The following TNKS variants were observed in gnomAD, a reference collection of about 807,000 sequenced individuals.
TNKS encodes tankyrase, also known as poly [ADP-ribose] polymerase tankyrase-1.
In TNKS, 72 loss-of-function variants were observed where a neutral mutation model predicts 135.8. That is an observed-to-expected ratio of 0.53 (90% CI 0.44 to 0.64). The LOEUF is 0.64. Among genes scored for constraint, TNKS ranks in the 30% least tolerant of loss-of-function variants. TNKS has a pLI of 0.00. For missense variants in TNKS, 1,769 were observed against 1,674.0 expected, an observed-to-expected ratio of 1.06 and a Z score of -0.99; for synonymous variants, 849 against 649.3, an observed-to-expected ratio of 1.31 and a Z score of -4.68.
intron 1 of TNKS, among the ~76,000 whole-genome samples, chr8:9,563,374 G>C (rs1797410032): frequency 1.3e-5 from 2 of 152,086 alleles, no homozygotes; most frequent in South Asian, 2.1e-4. Flanking sequence ...TAAATGGCCA[G>C]ATAGTAAATA....
chr8:9,580,611 C>A (rs987455971), intron 2 of TNKS, among the ~76,000 whole-genome samples: 1 of 152,126 alleles, frequency 6.6e-6, no homozygotes, highest in Non-Finnish European at 1.5e-5. Context: ...TGATGTGGAA[C>A]TCAATTTTAA....
chr8:9,634,801 A>C (rs1381545745), intron 3 of TNKS, among the ~76,000 whole-genome samples: 1 of 151,606 alleles, frequency 6.6e-6, no homozygotes, highest in Non-Finnish European at 1.5e-5. Context: ...AGACACCAAA[A>C]CTTTGAAAAA....
At chr8:9,723,262 C>CA (rs1355581708) in intron 12 of TNKS, among the ~76,000 whole-genome samples, 4 of 89,398 alleles carry the variant, frequency 4.5e-5, no homozygotes, top group Non-Finnish European at 1.1e-4. Flanking sequence ...ATGGACCATG[C>CA]ATTAGCTGAA....
At chr8:9,670,972 T>C (rs1802245381) in intron 3 of TNKS, 1 of 152,238 alleles carries the variant, frequency 6.6e-6, no homozygotes, top group South Asian at 2.1e-4. Context: ...GTTTTGTTTT[T>C]AATGCAGATA....
intron 17 of TNKS, among the ~76,000 whole-genome samples, chr8:9,747,753 A>G (rs1381199554): frequency 6.6e-6 from 1 of 152,218 alleles, no homozygotes; most frequent in Non-Finnish European, 1.5e-5. Flanking sequence ...AGTTGAATAT[A>G]TTAGAGGGAT....
At chr8:9,725,939 A>G (rs1805138779) in intron 12 of TNKS, among the ~76,000 whole-genome samples, 1 of 152,222 alleles carries the variant, frequency 6.6e-6, no homozygotes, top group African/African-American at 2.4e-5. Flanking sequence ...TCGCATTGCT[A>G]TCATACCTCC....
At chr8:9,629,502 A>G (rs1362862320) in intron 3 of TNKS, among the ~76,000 whole-genome samples, 1 of 152,188 alleles carries the variant, frequency 6.6e-6, no homozygotes, top group Non-Finnish European at 1.5e-5. Context: ...TGCAATGGTT[A>G]GTGCTTTTCC....
intron 20 of TNKS, among the ~76,000 whole-genome samples, chr8:9,757,866 G>T (rs1164278645): frequency 6.6e-6 from 1 of 152,170 alleles, no homozygotes; most frequent in Non-Finnish European, 1.5e-5. Context: ...CATTTTATAT[G>T]TGAATGAGCT....
At chr8:9,684,914 T>C (rs1802924803) in intron 5 of TNKS, among the ~76,000 whole-genome samples, 1 of 152,174 alleles carries the variant, frequency 6.6e-6, no homozygotes, top group African/African-American at 2.4e-5. Context: ...CCTTTTGCGG[T>C]GATACAGTTA....
chr8:9,702,774 G>C (rs1479167443), intron 5 of TNKS, among the ~76,000 whole-genome samples: 4 of 152,166 alleles, frequency 2.6e-5, no homozygotes, highest in African/African-American at 9.7e-5. Context: ...CCAGCATTTT[G>C]GGAGGTGGAG....
intron 20 of TNKS, among the ~76,000 whole-genome samples, chr8:9,755,414 G>A (rs978824107): frequency 6.6e-6 from 1 of 152,118 alleles, no homozygotes; most frequent in African/African-American, 2.4e-5. Context: ...TGCATTTAAT[G>A]TATATTACCA....
At chr8:9,703,574 A>G (rs1224373187) in intron 5 of TNKS, among the ~76,000 whole-genome samples, 1 of 152,182 alleles carries the variant, frequency 6.6e-6, no homozygotes, top group Non-Finnish European at 1.5e-5. Flanking sequence ...ATAGCTGTGC[A>G]TTGCTCAAAA....
chr8:9,735,091 G>T lies in TNKS; in HGVS notation c.2533+7G>T. Reference sequence around the variant, plus strand: ...ACCCCTCTGCACCTGGCAGGTAAGCGCCCCCAGTGCCTCCAAGCCTCCTTT... The same window carrying T: ...ACCCCTCTGCACCTGGCAGGTAAGCTCCCCCAGTGCCTCCAAGCCTCCTTT... On this transcript the variant is annotated splice_region_variant and intron_variant, in intron 16 of 26. Coordinates refer to ENST00000310430, the MANE Select transcript of TNKS (RefSeq NM_003747.3). 6.2e-7 allele frequency: 1 copy of T among 1,610,292 alleles called. No individual in the cohort carries two copies. Among genetic ancestry groups the T allele is most frequent in the Non-Finnish European group, 8.5e-7 (1 of 1,178,534 alleles).
chr8:9,689,648 C>T (rs565695092), intron 5 of TNKS, among the ~76,000 whole-genome samples: 1 of 152,202 alleles, frequency 6.6e-6, no homozygotes, highest in Non-Finnish European at 1.5e-5. Flanking sequence ...CTAGACGTCT[C>T]TGCTCCTGGC....
At chr8:9,563,920 T>C (rs1021659787) in intron 1 of TNKS, among the ~76,000 whole-genome samples, 2 of 152,166 alleles carry the variant, frequency 1.3e-5, no homozygotes, top group Non-Finnish European at 2.9e-5. Context: ...ATTTCAAGGA[T>C]AAAAATAAAG....
chr8:9,604,542 G>T (rs977099539), intron 2 of TNKS, among the ~76,000 whole-genome samples: 2 of 151,888 alleles, frequency 1.3e-5, no homozygotes, highest in African/African-American at 4.8e-5. Context: ...TCTTTCTTCA[G>T]TGTAGTTTAT....
intron 18 of TNKS, among the ~76,000 whole-genome samples, chr8:9,750,734 AG>A (rs1202123264): frequency 6.6e-6 from 1 of 152,118 alleles, no homozygotes; most frequent in Non-Finnish European, 1.5e-5. Flanking sequence ...AAACCCACTG[AG>A]GGTTTAACGT....
chr8:9,746,180 C>G (rs1431298115), intron 17 of TNKS, among the ~76,000 whole-genome samples: 1 of 152,142 alleles, frequency 6.6e-6, no homozygotes. Flanking sequence ...ACAAATGTGC[C>G]AGTTGCACCA....
chr8:9,741,296 T>C (rs1805946138), intron 17 of TNKS, among the ~76,000 whole-genome samples: 1 of 152,170 alleles, frequency 6.6e-6, no homozygotes, highest in Non-Finnish European at 1.5e-5. Flanking sequence ...TTTTATCGTC[T>C]CTGTAAACTT....
Sources: allele counts gnomAD v4.1 joint callset (sites outside exome capture counted in the v4.1 genomes callset), GRCh38; gene constraint gnomAD v4.1.1; transcripts MANE v1.5; gene names NCBI Gene and HGNC (gene_info 2026-07-23, HGNC 2026-07-21).